MATN2: variants seen among roughly 807,000 people sequenced by gnomAD.
MATN2 encodes matrilin 2.
Under a neutral mutation model 103.2 loss-of-function variants are expected in MATN2, and 69 were observed. The ratio of observed to expected loss-of-function variants is 0.67; its 90% CI spans 0.55 to 0.82. The LOEUF is 0.82. MATN2 is among the 40% of genes least tolerant of loss of function. MATN2 has a pLI of 0.00. For missense variants in MATN2, 1,023 were observed against 1,211.5 expected (o/e 0.84, Z 2.31); for synonymous variants, 429 against 450.2 (o/e 0.95, Z 0.60).
intron 7 of MATN2, 68 bp downstream of exon 7, chr8:97,994,670 C>T (rs1242445015): frequency 5.9e-6 from 9 of 1,515,276 alleles, no homozygotes; most frequent in Non-Finnish European, 7.1e-6. Context: ...TTTTCCTTTC[C>T]GTGCAAATCT....
chr8:97,921,846 G>C (rs1240614330), intron 2 of MATN2, among the ~76,000 whole-genome samples: 1 of 152,144 alleles, frequency 6.6e-6, no homozygotes, highest in African/African-American at 2.4e-5. Flanking sequence ...AATAAAATGC[G>C]TACAGCCGGG....
chr8:97,963,111 G>GGT (rs1245312826), intron 5 of MATN2, among the ~76,000 whole-genome samples: 1 of 152,138 alleles, frequency 6.6e-6, no homozygotes, highest in Non-Finnish European at 1.5e-5. Flanking sequence ...CTCCAGCCTG[G>GGT]GTGACAGAGC....
intron 2 of MATN2, among the ~76,000 whole-genome samples, chr8:97,890,657 T>C (rs534717514): frequency 6.6e-6 from 1 of 152,218 alleles, no homozygotes; most frequent in Non-Finnish European, 1.5e-5. Context: ...CTTAGAATAA[T>C]GTAGTGTTTT....
At chr8:97,912,221 C>A (rs905481433) in intron 2 of MATN2, among the ~76,000 whole-genome samples, 1 of 152,192 alleles carries the variant, frequency 6.6e-6, no homozygotes, top group African/African-American at 2.4e-5. Flanking sequence ...AAATACCATT[C>A]CACTTCATTA....
Position 98,035,769 on chromosome 8 carries a change from G to C in MATN2, c.*57G>C. ...TGTATCACGGATTACAATGAACGCA[G>C]TGCAGAGCCCCAAAGCTCAGGCTAT... On this transcript the variant is annotated 3_prime_UTR_variant, in exon 19 of 19. Coordinates refer to ENST00000254898, the MANE Select transcript of MATN2 (RefSeq NM_002380.5). The C allele has an allele frequency of 1.8e-6, 2 of 1,116,366 alleles. No homozygotes were observed. The highest frequency in any genetic ancestry group is 2.1e-5 in the Admixed American group (1 of 47,992). The allele number at this position is 1,116,366 out of a possible 1,614,324, so 69.2% of individuals were successfully genotyped here.
chr8:97,991,637 G>T (rs1223981558), intron 6 of MATN2, among the ~76,000 whole-genome samples: 2 of 151,892 alleles, frequency 1.3e-5, no homozygotes, highest in Non-Finnish European at 2.9e-5. Context: ...CAGGAGAATT[G>T]CTTGAACCCG....
intron 18 of MATN2, 104 bp from the exon 19 acceptor site, chr8:98,035,553 A>C (rs1017830257): frequency 1.4e-5 from 9 of 649,692 alleles, no homozygotes; most frequent in African/African-American, 5.5e-5. Flanking sequence ...AAAAACCAAA[A>C]CCTTTTAGAT....
chr8:97,873,412 A>T (rs1348406256), intron 1 of MATN2, among the ~76,000 whole-genome samples: 4 of 150,410 alleles, frequency 2.7e-5, no homozygotes, highest in Non-Finnish European at 5.9e-5. Context: ...GCAGTGGCAC[A>T]ATCTCTGCTC....
chr8:97,960,204 G>A (rs1341778224), intron 4 of MATN2, among the ~76,000 whole-genome samples: 4 of 152,260 alleles, frequency 2.6e-5, no homozygotes, highest in Non-Finnish European at 4.4e-5. Context: ...TGATCCTCCC[G>A]CCTTGGCCTC....
At position 97,994,521 on chromosome 8, in the gene MATN2, G is replaced by A. The variant is rs752673896; in HGVS notation, c.1123G>A (p.Glu375Lys). ...CTCATCTAATCACGGATGTCAGCAC[G>A]AGTGTGTTAACACAGATGATTCCTA... Reference protein sequence around the residue: ...CASSNHGCQHECVNTDDSYSC... With the variant: ...CASSNHGCQHKCVNTDDSYSC... Residue 375 changes from glutamate to lysine, a missense_variant, in exon 7 of 19, where the codon GAG becomes AAG. Glu to Lys is a moderately conservative substitution (Grantham distance 56). Coordinates refer to ENST00000254898, the MANE Select transcript of MATN2 (RefSeq NM_002380.5). 4.3e-6 allele frequency: 7 copies of A among 1,613,218 alleles called. No individual in the cohort carries two copies. The highest frequency in any genetic ancestry group is 1.7e-5 in the Admixed American group (1 of 59,884).
At chr8:97,907,350 C>T (rs1209488930) in intron 2 of MATN2, among the ~76,000 whole-genome samples, 1 of 146,742 alleles carries the variant, frequency 6.8e-6, no homozygotes, top group African/African-American at 2.5e-5. Flanking sequence ...CTCGCTCTTT[C>T]CTCCAGGCTG....
chr8:98,001,767 T>G (rs1304577387), intron 7 of MATN2, among the ~76,000 whole-genome samples: 1 of 151,092 alleles, frequency 6.6e-6, no homozygotes, highest in Admixed American at 6.6e-5. Flanking sequence ...CATGAGCCAC[T>G]GTGCCTGGCC....
At chr8:97,920,734 G>T (rs1809782250) in intron 2 of MATN2, among the ~76,000 whole-genome samples, 1 of 152,212 alleles carries the variant, frequency 6.6e-6, no homozygotes, top group Non-Finnish European at 1.5e-5. Flanking sequence ...TAACTTGGGA[G>T]GATCACTTGA....
intron 4 of MATN2, among the ~76,000 whole-genome samples, chr8:97,961,117 A>T: frequency 6.6e-6 from 1 of 152,142 alleles, no homozygotes; most frequent in East Asian, 1.9e-4. Flanking sequence ...ATGGCTGAAA[A>T]ATGTGTTTTT....
chr8:97,954,306 A>C (rs1290665052), intron 4 of MATN2, among the ~76,000 whole-genome samples: 6 of 152,186 alleles, frequency 3.9e-5, no homozygotes, highest in African/African-American at 1.4e-4. Flanking sequence ...TTCAGTTCAC[A>C]CTGTTAAAAA....
chr8:97,899,385 G>A (rs1818914051), intron 2 of MATN2, among the ~76,000 whole-genome samples: 1 of 152,184 alleles, frequency 6.6e-6, no homozygotes, highest in Non-Finnish European at 1.5e-5. Context: ...AATTTGAGTT[G>A]TATATTAGTT....
intron 2 of MATN2, among the ~76,000 whole-genome samples, chr8:97,930,083 G>A (rs1531036): frequency 2.0e-5 from 3 of 152,110 alleles, no homozygotes; most frequent in South Asian, 4.1e-4. Context: ...TGATCCACTC[G>A]ATGTGCTCCT....
chr8:98,025,383 T>TCA (rs1245737277), intron 13 of MATN2: 2 of 179,702 alleles, frequency 1.1e-5, no homozygotes, highest in African/African-American at 4.8e-5. Context: ...TTGTTGTGCC[T>TCA]CACTTTTAAA....
At chr8:98,002,657 C>G (rs1311532008) in intron 7 of MATN2, among the ~76,000 whole-genome samples, 1 of 152,144 alleles carries the variant, frequency 6.6e-6, no homozygotes, top group African/African-American at 2.4e-5. Flanking sequence ...CTCAACTGAG[C>G]CTTGGCTTGC....
Sources: gnomAD v4.1 joint callset for allele counts (sites outside exome capture counted in the v4.1 genomes callset) on GRCh38, gnomAD v4.1.1 for gene constraint, MANE v1.5 for transcripts, NCBI Gene and HGNC (gene_info 2026-07-23, HGNC 2026-07-21) for gene names.